Variants in ZNF462 observed in about 807,000 individuals in gnomAD.
ZNF462 encodes zinc finger PBX1-interacting protein.
A neutral mutation model predicts 201.9 loss-of-function variants in ZNF462; 10 were observed. The ratio of observed to expected loss-of-function variants is 0.05; its 90% CI spans 0.03 to 0.08. ZNF462 has a LOEUF of 0.08. Ranked by LOEUF, ZNF462 falls within the 10% of genes least tolerant of loss-of-function variation. ZNF462 has a pLI of 1.00. For synonymous variants in ZNF462, 1,227 were observed against 1,193.3 expected (o/e 1.03, Z -0.58); for missense variants, 2,523 against 3,168.3 (o/e 0.80, Z 4.89).
chr9:106,957,210 G>C (rs556674522), intron 7 of ZNF462, among the ~76,000 whole-genome samples: 1 of 152,148 alleles, frequency 6.6e-6, no homozygotes, highest in African/African-American at 2.4e-5. Context: ...ATTCTACTAG[G>C]GTTAGTCATT....
rs1232112525 is a variant in ZNF462, at chr9:106,963,186, A to G, written c.6428-8819A>G. Among the ~76,000 whole-genome samples the G allele has an allele frequency of 6.6e-6, 1 of 152,140 alleles. No individual in the cohort carries two copies. Among genetic ancestry groups the G allele is most frequent in the Non-Finnish European group, 1.5e-5 (1 of 68,008 alleles). ...ATACCAAATTCTGCTCAGTGTTAAC[A>G]GCACTTGAGAAACAGGTATTTTGAG... On this transcript the variant is annotated intron_variant, in intron 7 of 12. Coordinates refer to ENST00000277225, the MANE Select transcript of ZNF462 (RefSeq NM_021224.6). This position sits in a 1 kb window ranked among gnomAD's most constrained non-coding sequence, Gnocchi z 4.7.
chr9:106,889,108 A>G (rs1828458371), intron 1 of ZNF462, among the ~76,000 whole-genome samples: 1 of 152,192 alleles, frequency 6.6e-6, no homozygotes, highest in Non-Finnish European at 1.5e-5. Context: ...GAGTCTTGTC[A>G]GTTGCCCCAG....
In ZNF462 at chr9:106,923,204, C is replaced by G; in HGVS notation, c.-30-150C>G. 1.6e-6 allele frequency: 1 copy of G among 617,292 alleles called. No homozygotes were observed. Among genetic ancestry groups the G allele is most frequent in the Non-Finnish European group, 2.9e-6 (1 of 348,876 alleles). The allele number at this position is 617,292 out of a possible 1,614,324, so 38.2% of individuals were successfully genotyped here. A position where few individuals can be genotyped will look rare whatever the true frequency, so the allele number is the denominator to read the frequency against. Reference sequence around the variant, plus strand: ...TCATCTCCATTATGTCTGATTGCCTCTCTTTAGCCAATGTTCCAACTGGCA... The same window carrying G: ...TCATCTCCATTATGTCTGATTGCCTGTCTTTAGCCAATGTTCCAACTGGCA... On this transcript the variant is annotated intron_variant, in intron 1 of 12. Coordinates refer to ENST00000277225, the MANE Select transcript of ZNF462 (RefSeq NM_021224.6). This position sits in a 1 kb window ranked among gnomAD's most constrained non-coding sequence, Gnocchi z 5.6.
At position 106,927,838 on chromosome 9, in the gene ZNF462, A is replaced by T; in HGVS notation, c.3926A>T (p.Glu1309Val). Reference sequence around the variant, plus strand: ...TGGGCATTTCTAGATGGCTTGATAGAAGCTGGCTACCACTGCGAGTGGTGC... The same window carrying T: ...TGGGCATTTCTAGATGGCTTGATAGTAGCTGGCTACCACTGCGAGTGGTGC... ...MRWAFLDGLIEAGYHCEWCIY... is the reference protein window; with the variant it reads ...MRWAFLDGLIVAGYHCEWCIY... Residue 1309 changes from glutamate (E) to valine (V), a missense_variant, in exon 3 of 13, where the codon GAA becomes GTA. Transcript: ENST00000277225. 1 of 1,614,136 alleles carries T rather than the reference A, an allele frequency of 6.2e-7. No homozygotes were observed. Among genetic ancestry groups the T allele is most frequent in the Non-Finnish European group, 8.5e-7 (1 of 1,180,040 alleles).
At chr9:106,871,779 C>T (rs764267566) in intron 1 of ZNF462, among the ~76,000 whole-genome samples, 8 of 152,100 alleles carry the variant, frequency 5.3e-5, no homozygotes, top group South Asian at 2.1e-4. Flanking sequence ...GGAAAACGAA[C>T]GAAGTAGAGA....
chr9:107,010,678 A>T lies in ZNF462; in HGVS notation c.7314-145A>T. Reference sequence around the variant, plus strand: ...TGCATCACTTGGTATTTTGTCATACACCCATGGCATTTGTTCAAAGGAAAC... The same window carrying T: ...TGCATCACTTGGTATTTTGTCATACTCCCATGGCATTTGTTCAAAGGAAAC... On this transcript the variant is annotated intron_variant, in intron 12 of 12. Transcript: ENST00000277225. This position sits in a 1 kb window ranked among gnomAD's most constrained non-coding sequence, Gnocchi z 4.6. 1.4e-6 allele frequency: 1 copy of T among 694,702 alleles called. No individual in the cohort carries two copies. Among genetic ancestry groups the T allele is most frequent in the Non-Finnish European group, 2.3e-6 (1 of 431,952 alleles). 43.0% of individuals were successfully genotyped at this position (694,702 alleles called of 1,614,324 possible). A position where few individuals can be genotyped will look rare whatever the true frequency, so the allele number is the denominator to read the frequency against.
intron 10 of ZNF462, among the ~76,000 whole-genome samples, chr9:107,000,257 G>A (rs1419053112): frequency 2.0e-5 from 3 of 151,656 alleles, no homozygotes; most frequent in Admixed American, 6.6e-5. Context: ...TAACATGAGA[G>A]CCCGCCATGT....
upstream of ZNF462, among the ~76,000 whole-genome samples, chr9:106,862,578 C>T (rs377535552): frequency 6.6e-5 from 10 of 152,090 alleles, no homozygotes; most frequent in African/African-American, 2.4e-4. The surrounding 1 kb of genome is among the most constrained non-coding windows in gnomAD (Gnocchi z 4.2). Context: ...CCTCCTCTTC[C>T]TCCCCCTCCT....
At chr9:106,998,611 A>C (rs1828923108) in intron 10 of ZNF462, among the ~76,000 whole-genome samples, 1 of 151,702 alleles carries the variant, frequency 6.6e-6, no homozygotes. Context: ...ATTTTTATTT[A>C]TTTATTTATT....
chr9:106,923,708 T>C lies in ZNF462; in HGVS notation c.220+105T>C. 8.5e-7 allele frequency: 1 copy of C among 1,181,098 alleles called. No individual in the cohort carries two copies. 73.2% of individuals were successfully genotyped at this position (1,181,098 alleles called of 1,614,324 possible). On this transcript the variant is annotated intron_variant, in intron 2 of 12. Coordinates refer to ENST00000277225, the MANE Select transcript of ZNF462 (RefSeq NM_021224.6). The surrounding 1 kb of genome is among the most constrained non-coding windows in gnomAD (Gnocchi z 5.6). ...ATATACGTGGCTTTTGCAGAGTTTC[T>C]TGTGCTTTGCTAGCCATTTTTGTGG...
Position 106,880,763 on chromosome 9 carries a change from T to C in ZNF462, c.-31+17408T>C, listed in dbSNP as rs1052848907. Among the ~76,000 whole-genome samples the C allele has an allele frequency of 4.6e-5, 7 of 152,194 alleles. No individual in the cohort carries two copies. The highest frequency in any genetic ancestry group is 1.0e-4 in the Non-Finnish European group (7 of 68,034). On this transcript the variant is annotated intron_variant, in intron 1 of 12. Transcript: ENST00000277225. This position sits in a 1 kb window ranked among gnomAD's most constrained non-coding sequence, Gnocchi z 4.1. Reference sequence around the variant, plus strand: ...AAAGTAAAACATTTTGGTTCCTTTGTGAATTAAAAAGGAATGTCTAGTAGG... The same window carrying C: ...AAAGTAAAACATTTTGGTTCCTTTGCGAATTAAAAAGGAATGTCTAGTAGG...
chr9:106,899,731 G>A (rs1828975761), intron 1 of ZNF462, among the ~76,000 whole-genome samples: 1 of 152,156 alleles, frequency 6.6e-6, no homozygotes, highest in African/African-American at 2.4e-5. Context: ...TGTGGGAAAG[G>A]CAAAGGACTG....
chr9:106,879,144 A>C (rs1163502451), intron 1 of ZNF462, among the ~76,000 whole-genome samples: 2 of 152,184 alleles, frequency 1.3e-5, no homozygotes, highest in African/African-American at 4.8e-5. Flanking sequence ...TGGTGCTTTC[A>C]GGTCTGCCGA....
chr9:106,951,956 C>A (rs1831371767), intron 7 of ZNF462, among the ~76,000 whole-genome samples: 1 of 151,778 alleles, frequency 6.6e-6, no homozygotes, highest in African/African-American at 2.4e-5. Flanking sequence ...GAGCACATAC[C>A]AGGAGGGATT....
chr9:106,930,836 T>G lies in ZNF462; in HGVS notation c.6012+147T>G. On this transcript the variant is annotated intron_variant, in intron 4 of 12. Coordinates refer to ENST00000277225, the MANE Select transcript of ZNF462 (RefSeq NM_021224.6). This position sits in a 1 kb window ranked among gnomAD's most constrained non-coding sequence, Gnocchi z 5.8. ...TGGATTGGTTTGGCTTGTTTTGATT[T>G]CTTTGCAGGTTGGACCTTCCTCATC... 9.9e-7 allele frequency: 1 copy of G among 1,007,712 alleles called. No individual in the cohort carries two copies. The highest frequency in any genetic ancestry group is 1.7e-5 in the South Asian group (1 of 59,250). The allele number at this position is 1,007,712 out of a possible 1,614,324, so 62.4% of individuals were successfully genotyped here.
intron 10 of ZNF462, among the ~76,000 whole-genome samples, chr9:106,992,314 G>C (rs1828347971): frequency 1.3e-5 from 2 of 152,078 alleles, no homozygotes; most frequent in South Asian, 4.1e-4. Context: ...CCACTAGCTA[G>C]CATGGCTAAA....
rs1830161897 is a variant in ZNF462 at position 106,925,599 on chromosome 9, C to T, written c.1687C>T (p.Pro563Ser). Residue 563 changes from proline to serine, a missense_variant, in exon 3 of 13, where the codon CCA (proline) becomes TCA (serine). By Grantham distance (74) the Pro-to-Ser change is moderately conservative. Transcript: ENST00000277225. This position sits in a 1 kb window ranked among gnomAD's most constrained non-coding sequence, Gnocchi z 7.9. Reference sequence around the variant, plus strand: ...ATCACAGCCACAGCCACTGCAGCAGCCACAGCCACCACAGCTGCAGCCACC... The same window carrying T: ...ATCACAGCCACAGCCACTGCAGCAGTCACAGCCACCACAGCTGCAGCCACC... ...PPSQPQPLQQ[P>S]QPPQLQPPHQ... The T allele has an allele frequency of 6.2e-7, 1 of 1,613,376 alleles. No homozygotes were observed.
chr9:106,918,752 A>T (rs1179750161), intron 1 of ZNF462, among the ~76,000 whole-genome samples: 1 of 152,186 alleles, frequency 6.6e-6, no homozygotes, highest in African/African-American at 2.4e-5. Flanking sequence ...TTTTAGAATG[A>T]TCTTTAGTCT....
At position 106,923,205 on chromosome 9, in the gene ZNF462, T is replaced by C; in HGVS notation, c.-30-149T>C. 1.6e-6 allele frequency: 1 copy of C among 619,144 alleles called. No homozygotes were observed. The highest frequency in any genetic ancestry group is 2.0e-5 in the South Asian group (1 of 49,890). 38.4% of individuals were successfully genotyped at this position (619,144 alleles called of 1,614,324 possible). A position where few individuals can be genotyped will look rare whatever the true frequency, so the allele number is the denominator to read the frequency against. ...CATCTCCATTATGTCTGATTGCCTC[T>C]CTTTAGCCAATGTTCCAACTGGCAA... is the stretch of plus-strand genomic sequence containing the variant. On this transcript the variant is annotated intron_variant, in intron 1 of 12. Transcript: ENST00000277225. The surrounding 1 kb of genome is among the most constrained non-coding windows in gnomAD (Gnocchi z 5.6).
Sources: allele counts gnomAD v4.1 joint callset (sites outside exome capture counted in the v4.1 genomes callset), GRCh38; gene constraint gnomAD v4.1.1; non-coding constraint Gnocchi (gnomAD v3.1); transcripts MANE v1.5; gene names NCBI Gene and HGNC (gene_info 2026-07-23, HGNC 2026-07-21).